Variants in ROBO2 observed in about 807,000 individuals in gnomAD.
The protein encoded by ROBO2 is roundabout homolog 2.
Under a neutral mutation model 160.8 loss-of-function variants are expected in ROBO2, and 53 were observed. The observed-to-expected ratio is 0.33, with a 90% CI of 0.26 to 0.41. ROBO2 has a LOEUF of 0.41. Ranked by LOEUF, ROBO2 falls within the 10% of genes least tolerant of loss-of-function variation. The pLI, the probability that ROBO2 is intolerant of heterozygous loss-of-function variation, is 1.00. For synonymous variants in ROBO2, 664 were observed against 611.7 expected, an observed-to-expected ratio of 1.09 and a Z score of -1.26; for missense variants, 1,577 against 1,722.4, an observed-to-expected ratio of 0.92 and a Z score of 1.49.
chr3:76,425,487 AGTGTGTGTGTGTGT>A (rs10530471), intron 2 of ROBO2, among the ~76,000 whole-genome samples: 153 of 146,532 alleles, frequency 1.0e-3, no homozygotes, highest in African/African-American at 2.4e-3. Context: ...TGATGCAGCA[AGTGTGTGTGTGTGT>A]GTGTGTGTGT....
chr3:76,077,864 G>A (rs1559892731), intron 2 of ROBO2, among the ~76,000 whole-genome samples: 1 of 147,602 alleles, frequency 6.8e-6, no homozygotes, highest in South Asian at 2.1e-4. Flanking sequence ...TAAGGAGACT[G>A]TTCAAATTCT....
intron 2 of ROBO2, among the ~76,000 whole-genome samples, chr3:76,116,814 C>G (rs1027181127): frequency 1.3e-5 from 2 of 152,184 alleles, no homozygotes; most frequent in African/African-American, 2.4e-5. Context: ...AGCACAGACA[C>G]TTTCCTCACC....
intron 2 of ROBO2, among the ~76,000 whole-genome samples, chr3:77,412,828 A>T (rs1560764666): frequency 1.3e-5 from 2 of 152,234 alleles, no homozygotes; most frequent in Non-Finnish European, 2.9e-5. Context: ...GGGCTGGTCC[A>T]TGTGTTCCTT....
chr3:77,622,441 A>G lies in ROBO2; in HGVS notation c.3760+9A>G, dbSNP rs200252202. 2 of 1,613,650 alleles carry G rather than the reference A, an allele frequency of 1.2e-6. No homozygotes were observed. Among genetic ancestry groups the G allele is most frequent in the Non-Finnish European group, 1.7e-6 (2 of 1,179,760 alleles). ...AGACAGCTCTGTGACAGGTAACGGAACCAATTTAATAGGAAAAACTGACCT... is the reference window on the plus strand; with the variant it reads ...AGACAGCTCTGTGACAGGTAACGGAGCCAATTTAATAGGAAAAACTGACCT... On this transcript the variant is annotated intron_variant, in intron 23 of 25. Coordinates refer to ENST00000461745, the Ensembl canonical transcript of ROBO2.
chr3:76,512,763 T>A (rs928496537), intron 2 of ROBO2, among the ~76,000 whole-genome samples: 7 of 152,130 alleles, frequency 4.6e-5, no homozygotes, highest in Non-Finnish European at 1.5e-5. Context: ...TAAATAAATT[T>A]CATGTTTAGA....
chr3:76,219,846 T>C (rs1703839313), intron 2 of ROBO2, among the ~76,000 whole-genome samples: 1 of 152,162 alleles, frequency 6.6e-6, no homozygotes. Flanking sequence ...CAAAGGATTA[T>C]AAATCATGCT....
intron 2 of ROBO2, among the ~76,000 whole-genome samples, chr3:77,301,685 C>T (rs2062670433): frequency 6.6e-6 from 1 of 152,120 alleles, no homozygotes; most frequent in Non-Finnish European, 1.5e-5. Flanking sequence ...TTTTCTAAGC[C>T]CTCTTTGTTC....
chr3:76,328,739 G>A (rs1420752986), intron 2 of ROBO2, among the ~76,000 whole-genome samples: 3 of 151,830 alleles, frequency 2.0e-5, no homozygotes, highest in Non-Finnish European at 4.4e-5. Context: ...GGCGCCTGTA[G>A]TCTCAGCTAC....
At chr3:77,086,532 T>G (rs2069334359) in intron 1 of ROBO2, among the ~76,000 whole-genome samples, 2 of 152,164 alleles carry the variant, frequency 1.3e-5, no homozygotes, top group African/African-American at 4.8e-5. Flanking sequence ...CTGCACAAAA[T>G]TTTGCATCCG....
rs1041680329 is a variant in ROBO2, at chr3:75,972,390, A to G, written c.109+34788A>G. Among the ~76,000 whole-genome samples, 5 of 151,776 alleles carry G rather than the reference A, an allele frequency of 3.3e-5. No individual in the cohort carries two copies. The South Asian group carries it at 1.0e-3, about 31-fold the overall frequency. ...AGGACCTTGTTTCAATGAAGGAAGC[A>G]AGAAGGGAACAGTGGGGCAGGGACA... is the stretch of plus-strand genomic sequence containing the variant. On this transcript the variant is annotated intron_variant, in intron 2 of 26. Transcript: ENST00000487694.
At chr3:76,324,393 T>TA in intron 2 of ROBO2, among the ~76,000 whole-genome samples, 1 of 152,278 alleles carries the variant, frequency 6.6e-6, no homozygotes, top group South Asian at 2.1e-4. Flanking sequence ...AATTCATTGT[T>TA]AAAAAAATGT....
Position 76,664,505 on chromosome 3 carries a change from G to T in ROBO2, c.110-433509G>T, listed in dbSNP as rs144526105. Among the ~76,000 whole-genome samples, 216 of 152,248 alleles carry T rather than the reference G, an allele frequency of 1.4e-3. 1 individual carries two copies. The highest frequency in any genetic ancestry group is 5.0e-3 in the African/African-American group (207 of 41,550). On this transcript the variant is annotated intron_variant, in intron 2 of 26. Transcript: ENST00000487694. The stretch of plus-strand genomic sequence containing the variant: ...GGACATACATAGGAAACGTCCAGAG[G>T]GCTTTGGAAGTTGAGTATGGAGCTT...
At chr3:77,552,145 A>T (rs569109956) in intron 8 of ROBO2, among the ~76,000 whole-genome samples, 5 of 152,052 alleles carry the variant, frequency 3.3e-5, no homozygotes, top group Admixed American at 1.3e-4. Flanking sequence ...AGAATAAAAG[A>T]TAATTATTAA....
intron 2 of ROBO2, among the ~76,000 whole-genome samples, chr3:76,457,452 C>T (rs540267269): frequency 1.8e-4 from 27 of 152,306 alleles, no homozygotes; most frequent in African/African-American, 5.3e-4. Context: ...TAGGCAGCTC[C>T]GCCCCTGTGG....
chr3:76,707,731 G>GTGTATATATATATATATATATATATATA (rs376823667), intron 2 of ROBO2, among the ~76,000 whole-genome samples: 5 of 134,190 alleles, frequency 3.7e-5, no homozygotes, highest in African/African-American at 5.4e-5. Context: ...ACATGTGTGT[G>GTGTATATATATATATATATATATATATA]TATATATATA....
chr3:76,173,987 G>C (rs1422417835), intron 2 of ROBO2, among the ~76,000 whole-genome samples: 9 of 152,060 alleles, frequency 5.9e-5, no homozygotes, highest in Non-Finnish European at 1.3e-4. Flanking sequence ...CCAACAGCGT[G>C]AAAGCATTCC....
At chr3:76,546,048 AT>A (rs2083080140) in intron 2 of ROBO2, among the ~76,000 whole-genome samples, 1 of 151,832 alleles carries the variant, frequency 6.6e-6, no homozygotes, top group South Asian at 2.1e-4. Flanking sequence ...CCACAGTTTT[AT>A]TATAAAGATA....
At chr3:77,526,733 C>T (rs2091199719) in intron 6 of ROBO2, among the ~76,000 whole-genome samples, 1 of 151,408 alleles carries the variant, frequency 6.6e-6, no homozygotes, top group Non-Finnish European at 1.5e-5. Flanking sequence ...AGTTTGAAAG[C>T]CGTTCTCAGT....
intron 2 of ROBO2, among the ~76,000 whole-genome samples, chr3:77,120,194 T>C (rs1474244724): frequency 6.6e-6 from 1 of 152,206 alleles, no homozygotes; most frequent in Non-Finnish European, 1.5e-5. Flanking sequence ...TAATAGACAT[T>C]GGCATTTATT....
Sources: allele counts gnomAD v4.1 joint callset (sites outside exome capture counted in the v4.1 genomes callset), GRCh38; gene constraint gnomAD v4.1.1; transcripts MANE v1.5; gene names NCBI Gene and HGNC (gene_info 2026-07-23, HGNC 2026-07-21).